FRMD6: variants seen among roughly 807,000 people sequenced by gnomAD.
FRMD6 encodes FERM domain-containing protein 6.
A neutral mutation model predicts 73.2 loss-of-function variants in FRMD6; 37 were observed. The ratio of observed to expected loss-of-function variants is 0.51; its 90% CI spans 0.39 to 0.66. FRMD6 has a LOEUF of 0.66. Among genes scored for constraint, FRMD6 ranks in the 30% least tolerant of loss-of-function variants. The pLI is 0.00. For missense variants in FRMD6, 714 were observed against 780.5 expected (o/e 0.91, Z 1.02); for synonymous variants, 273 against 282.2 (o/e 0.97, Z 0.33).
intron 10 of FRMD6, chr14:51,717,225 A>G (rs1385823732): frequency 2.6e-5 from 4 of 152,170 alleles, no homozygotes; most frequent in African/African-American, 7.2e-5. Flanking sequence ...GTAAGTTCTA[A>G]AGAACAGAAC....
intron 1 of FRMD6, among the ~76,000 whole-genome samples, chr14:51,665,773 G>A (rs559230285): frequency 1.3e-5 from 2 of 152,148 alleles, no homozygotes; most frequent in African/African-American, 2.4e-5. Flanking sequence ...GAATCATGGC[G>A]GTGTGTCTTT....
intron 2 of FRMD6, among the ~76,000 whole-genome samples, chr14:51,604,015 T>A (rs1890146020): frequency 6.6e-6 from 1 of 150,400 alleles, no homozygotes; most frequent in Admixed American, 6.6e-5. Context: ...GGAGTGAGTA[T>A]CAGAGCAGTG....
At chr14:51,604,251 T>A (rs968640235) in intron 2 of FRMD6, among the ~76,000 whole-genome samples, 2 of 152,190 alleles carry the variant, frequency 1.3e-5, no homozygotes. Context: ...GAGCACCCAT[T>A]GCGTGAAAAG....
At chr14:51,500,756 A>ATG (rs370389521) in intron 1 of FRMD6, among the ~76,000 whole-genome samples, 1,676 of 151,054 alleles carry the variant, frequency 0.011, 29 homozygotes, top group African/African-American at 0.037. Flanking sequence ...ATATATACAT[A>ATG]TGTGTGTGTG....
At chr14:51,419,258 T>C in the FRMD6 span, among the ~76,000 whole-genome samples, 1 of 152,210 alleles carries the variant, frequency 6.6e-6, no homozygotes, top group Admixed American at 6.5e-5. Flanking sequence ...CAGTCTTCTG[T>C]GTCAGTCACA....
chr14:51,658,751 A>G (rs1893012362), intron 1 of FRMD6, among the ~76,000 whole-genome samples: 1 of 152,204 alleles, frequency 6.6e-6, no homozygotes. Context: ...AGATAAAACA[A>G]AGTGCTTGCA....
intron 1 of FRMD6, among the ~76,000 whole-genome samples, chr14:51,558,872 C>G (rs1471858950): frequency 6.6e-6 from 1 of 152,166 alleles, no homozygotes; most frequent in Non-Finnish European, 1.5e-5. Flanking sequence ...CCAGCATCAG[C>G]CCCACCCTTG....
chr14:51,634,749 G>C (rs1254965102), intron 2 of FRMD6, among the ~76,000 whole-genome samples: 3 of 152,236 alleles, frequency 2.0e-5, no homozygotes, highest in African/African-American at 4.8e-5. Flanking sequence ...AATGCAGTCA[G>C]AAAGGCCAGG....
At chr14:51,625,894 G>A (rs1004476148) in intron 2 of FRMD6, among the ~76,000 whole-genome samples, 3 of 152,142 alleles carry the variant, frequency 2.0e-5, no homozygotes, top group Admixed American at 6.5e-5. Context: ...ACTCCACCAC[G>A]TGTTAGGGAG....
chr14:51,680,119 G>A (rs144721999), intron 1 of FRMD6, among the ~76,000 whole-genome samples: 2,340 of 152,304 alleles, frequency 0.015, 23 homozygotes, highest in South Asian at 0.028. Context: ...CTTGTTGGAA[G>A]CCTCTCAGGC....
At chr14:51,492,143 TC>T (rs112830756) in intron 1 of FRMD6, among the ~76,000 whole-genome samples, 2,690 of 152,312 alleles carry the variant, frequency 0.018, 40 homozygotes, top group Middle Eastern at 0.054. Flanking sequence ...TCAGGAAGTG[TC>T]CACACTTGTT....
upstream of FRMD6, among the ~76,000 whole-genome samples, chr14:51,648,987 A>T (rs1892202234): frequency 6.6e-6 from 1 of 152,238 alleles, no homozygotes; most frequent in African/African-American, 2.4e-5. Flanking sequence ...ACATCCCAAC[A>T]TTAAGAAGAA....
chr14:51,487,052 T>C (rs972508498), upstream of FRMD6, among the ~76,000 whole-genome samples: 2 of 151,692 alleles, frequency 1.3e-5, no homozygotes, highest in African/African-American at 4.8e-5. Context: ...CCAGACCTAC[T>C]GCATCAGAAA....
At chr14:51,555,791 A>G (rs1887094130) in intron 1 of FRMD6, among the ~76,000 whole-genome samples, 1 of 149,186 alleles carries the variant, frequency 6.7e-6, no homozygotes, top group African/African-American at 2.5e-5. Flanking sequence ...AACAAGAGCA[A>G]AATTCTGACT....
intron 1 of FRMD6, among the ~76,000 whole-genome samples, chr14:51,568,529 G>A (rs1178497183): frequency 1.3e-5 from 2 of 152,222 alleles, no homozygotes; most frequent in African/African-American, 4.8e-5. Context: ...TTTTTGCCTT[G>A]TACTGGCCTG....
the FRMD6 span, among the ~76,000 whole-genome samples, chr14:51,476,776 T>C: frequency 5.3e-5 from 8 of 152,200 alleles, no homozygotes; most frequent in African/African-American, 1.9e-4. Context: ...ATAGCCTCTA[T>C]GAGATGGGAG....
intron 2 of FRMD6, among the ~76,000 whole-genome samples, chr14:51,629,122 G>A (rs1259043397): frequency 1.3e-5 from 2 of 152,032 alleles, no homozygotes; most frequent in South Asian, 2.1e-4. Flanking sequence ...CTTGTGATCC[G>A]CCCGCCTCGC....
chr14:51,704,616 T>G (rs1414273736), intron 5 of FRMD6, 133 bp from the exon 6 acceptor site: 4 of 705,236 alleles, frequency 5.7e-6, no homozygotes, highest in Non-Finnish European at 2.3e-6. Flanking sequence ...CGCTTCCTTT[T>G]CAGTGAGGTG....
chr14:51,451,285 C>G, the FRMD6 span, among the ~76,000 whole-genome samples: 2 of 152,284 alleles, frequency 1.3e-5, 1 homozygote, highest in South Asian at 4.1e-4. Flanking sequence ...GGAGGTGAGG[C>G]CTAGTGGGAG....
Sources: allele counts gnomAD v4.1 joint callset (sites outside exome capture counted in the v4.1 genomes callset), GRCh38; gene constraint gnomAD v4.1.1; transcripts MANE v1.5; gene names NCBI Gene and HGNC (gene_info 2026-07-23, HGNC 2026-07-21).